Variants in ANTXR2 observed in about 807,000 individuals in gnomAD.
ANTXR2 encodes ANTXR cell adhesion molecule 2, also known as anthrax toxin receptor 2.
A neutral mutation model predicts 73.7 loss-of-function variants in ANTXR2; 44 were observed. The ratio of observed to expected loss-of-function variants is 0.60; its 90% CI spans 0.47 to 0.77. The LOEUF (loss-of-function observed/expected upper bound fraction) is 0.77, where lower values mean the gene tolerates loss of function less well. Ranked by LOEUF, ANTXR2 falls within the 30% of genes least tolerant of loss-of-function variation. The pLI is 0.00. For missense variants in ANTXR2, 604 were observed against 592.5 expected (o/e 1.02, Z -0.20); for synonymous variants, 217 against 205.9 (o/e 1.05, Z -0.46).
intron 8 of ANTXR2, among the ~76,000 whole-genome samples, chr4:80,035,649 C>G (rs564678631): frequency 1.2e-3 from 187 of 152,228 alleles, no homozygotes; most frequent in African/African-American, 4.3e-3. Context: ...ATATACCTGA[C>G]TGTTTGTATA....
chr4:79,907,369 G>A lies in ANTXR2; in HGVS notation c.*60C>T. On this transcript the variant is annotated 3_prime_UTR_variant, in exon 17 of 17. Coordinates refer to ENST00000403729, the MANE Select transcript of ANTXR2 (RefSeq NM_058172.6). ...TGCACTTGATTTTTTTCATTTGGTT[G>A]AAAATCAGCTATGTGAAAATGTGCC... 2 of 1,545,296 alleles carry A rather than the reference G, an allele frequency of 1.3e-6. No individual in the cohort carries two copies. The highest frequency in any genetic ancestry group is 1.8e-6 in the Non-Finnish European group (2 of 1,124,342).
At chr4:80,019,092 C>G in intron 10 of ANTXR2, 116 bp from the exon 11 acceptor site, 3 of 666,438 alleles carry the variant, frequency 4.5e-6, no homozygotes, top group South Asian at 5.3e-5. Flanking sequence ...GAGTAAGGGT[C>G]TCAAACTCCT....
At chr4:80,043,545 C>T (rs1171055083) in intron 7 of ANTXR2, among the ~76,000 whole-genome samples, 1 of 151,920 alleles carries the variant, frequency 6.6e-6, no homozygotes, top group Middle Eastern at 3.2e-3. Flanking sequence ...TCTAACTGAT[C>T]GTATAAAATT....
At position 80,072,794 on chromosome 4, in the gene ANTXR2, G is replaced by A. The variant is rs1263480632; in HGVS notation, c.-234C>T. On this transcript the variant is annotated 5_prime_UTR_variant, in exon 1 of 17. Coordinates refer to ENST00000403729, the MANE Select transcript of ANTXR2 (RefSeq NM_058172.6). ...CGCAGCTGCCGCCGGAACTCTTGAC[G>A]AATCCCAGTGGAAGCGCGATCCAGT... 5 of 1,107,954 alleles carry A rather than the reference G, an allele frequency of 4.5e-6. No homozygotes were observed. In the African/African-American group the frequency reaches 4.9e-5, roughly 11 times the overall value. 68.6% of individuals were successfully genotyped at this position (1,107,954 alleles called of 1,614,324 possible).
intron 12 of ANTXR2, 108 bp downstream of exon 12, chr4:80,008,413 G>A (rs902348050): frequency 3.2e-5 from 24 of 757,102 alleles, no homozygotes; most frequent in Non-Finnish European, 4.7e-5. Flanking sequence ...AATTCATTTT[G>A]CAAACTGAAA....
chr4:79,964,717 C>G (rs561575291), intron 16 of ANTXR2: 2 of 152,368 alleles, frequency 1.3e-5, no homozygotes, highest in South Asian at 4.1e-4. Flanking sequence ...ACGGTTTTGC[C>G]GCTCTCAACT....
rs376774347 is a variant in ANTXR2 at position 79,921,165 on chromosome 4, A to G, written c.1429-13698T>C. ...CCACATAGCAAAAAGTTTACATGCAATTCATGTATTTCTTCTTAGAAAATT... is the reference window on the plus strand; with the variant it reads ...CCACATAGCAAAAAGTTTACATGCAGTTCATGTATTTCTTCTTAGAAAATT... On this transcript the variant is annotated intron_variant, in intron 16 of 16. Transcript: ENST00000403729. 1.1e-4 allele frequency among the ~76,000 whole-genome samples: 16 copies of G among 152,246 alleles called. No individual in the cohort carries two copies. In the East Asian group the frequency reaches 1.5e-3, roughly 15 times the overall value.
At chr4:79,931,568 A>G (rs989927785) in intron 16 of ANTXR2, among the ~76,000 whole-genome samples, 3 of 152,062 alleles carry the variant, frequency 2.0e-5, no homozygotes, top group African/African-American at 7.2e-5. Flanking sequence ...AAGGTGCAGC[A>G]GGCACAGATG....
chr4:80,050,938 G>A (rs781772014), intron 7 of ANTXR2, among the ~76,000 whole-genome samples: 3 of 151,582 alleles, frequency 2.0e-5, no homozygotes, highest in Non-Finnish European at 4.4e-5. Context: ...GTATGTGAAA[G>A]TCTCCATAAT....
intron 12 of ANTXR2, 131 bp from the exon 13 acceptor site, chr4:79,984,994 A>C: frequency 1.4e-6 from 1 of 701,612 alleles, no homozygotes; most frequent in East Asian, 2.7e-5. Flanking sequence ...TTGCCACCCA[A>C]TATTTATGCC....
rs569123843 is a variant in ANTXR2, at chr4:79,964,259, G to A, written c.1428+13362C>T. On this transcript the variant is annotated intron_variant, in intron 16 of 16. Coordinates refer to ENST00000403729, the MANE Select transcript of ANTXR2 (RefSeq NM_058172.6). ...GTGGAACTACTCCAAAACTAGTGCTGCGCTTTCTTCTTTCTTTGCCTTTCT... is the reference window on the plus strand; with the variant it reads ...GTGGAACTACTCCAAAACTAGTGCTACGCTTTCTTCTTTCTTTGCCTTTCT... Among the ~76,000 whole-genome samples, 16 of 152,298 alleles carry A rather than the reference G, an allele frequency of 1.1e-4. No homozygotes were observed. In the South Asian group the frequency reaches 3.3e-3, roughly 32 times the overall value.
chr4:79,966,554 T>G (rs1729373582), intron 16 of ANTXR2, among the ~76,000 whole-genome samples: 1 of 152,100 alleles, frequency 6.6e-6, no homozygotes, highest in Non-Finnish European at 1.5e-5. Flanking sequence ...TCTGAATAGG[T>G]AAATTACTGT....
chr4:79,910,352 T>G (rs1578074195), intron 16 of ANTXR2, among the ~76,000 whole-genome samples: 1 of 150,278 alleles, frequency 6.7e-6, no homozygotes, highest in African/African-American at 2.4e-5. Context: ...CTACTGAAAA[T>G]ATAAAAATTA....
rs1177602547 is a variant in ANTXR2 at position 79,906,486 on chromosome 4, A to T, written c.*943T>A. ...AGAGCCCTTGGAGACTTGAAGAAAGAAAAAACCCTGAGCGGAAGCTTTGTG... is the reference window on the plus strand; with the variant it reads ...AGAGCCCTTGGAGACTTGAAGAAAGTAAAAACCCTGAGCGGAAGCTTTGTG... On this transcript the variant is annotated 3_prime_UTR_variant, in exon 17 of 17. Coordinates refer to ENST00000403729, the MANE Select transcript of ANTXR2 (RefSeq NM_058172.6). 6.6e-6 allele frequency: 1 copy of T among 152,594 alleles called. No homozygotes were observed. Among genetic ancestry groups the T allele is most frequent in the East Asian group, 1.9e-4 (1 of 5,182 alleles). The allele number at this position is 152,594 out of a possible 1,614,324, so 9.5% of individuals were successfully genotyped here.
chr4:80,066,180 T>C (rs934972886), intron 3 of ANTXR2, among the ~76,000 whole-genome samples: 5 of 152,248 alleles, frequency 3.3e-5, no homozygotes, highest in African/African-American at 9.6e-5. Flanking sequence ...ATGTCCTTTA[T>C]TGGAGGTTGT....
At chr4:80,018,019 G>A (rs997896500) in intron 11 of ANTXR2, among the ~76,000 whole-genome samples, 1 of 152,124 alleles carries the variant, frequency 6.6e-6, no homozygotes, top group African/African-American at 2.4e-5. Context: ...CCTCTATACA[G>A]ATAACATTGA....
intron 16 of ANTXR2, among the ~76,000 whole-genome samples, chr4:79,933,391 TA>T (rs1215574555): frequency 6.6e-6 from 1 of 152,180 alleles, no homozygotes; most frequent in Admixed American, 6.5e-5. Context: ...TTTTGTATTT[TA>T]AAAAGAAAAC....
At chr4:79,926,879 G>GCA (rs1560866515) in intron 16 of ANTXR2, among the ~76,000 whole-genome samples, 2 of 150,582 alleles carry the variant, frequency 1.3e-5, no homozygotes, top group African/African-American at 2.4e-5. Context: ...ATATATGTGT[G>GCA]TATATATATG....
rs754719897 is a variant in ANTXR2, at chr4:80,071,646, C to T, written c.161G>A (p.Ser54Asn). Reference protein sequence around the residue: ...DLYFVLDKSGSVANNWIEIYN... With the variant: ...DLYFVLDKSGNVANNWIEIYN... Reference sequence around the variant, plus strand: ...AATTTCAATCCAGTTATTTGCCACACTCCCAGACCTGAAAGATGAAATTGA... The same window carrying T: ...AATTTCAATCCAGTTATTTGCCACATTCCCAGACCTGAAAGATGAAATTGA... The change falls in exon 2 of 17, where the codon AGT becomes AAT. Residue 54 changes from serine to asparagine, a missense_variant. By Grantham distance (46) the Ser-to-Asn change is conservative. Transcript: ENST00000403729. The T allele has an allele frequency of 6.2e-7, 1 of 1,611,538 alleles. No homozygotes were observed.
Sources: allele counts gnomAD v4.1 joint callset (sites outside exome capture counted in the v4.1 genomes callset), GRCh38; gene constraint gnomAD v4.1.1; transcripts MANE v1.5; gene names NCBI Gene and HGNC (gene_info 2026-07-23, HGNC 2026-07-21).